ANKRD54: variants seen among roughly 807,000 people sequenced by gnomAD.
ANKRD54 encodes ankyrin repeat domain-containing protein 54.
In ANKRD54, 26 loss-of-function variants were observed where a neutral mutation model predicts 36.2. The ratio of observed to expected loss-of-function variants is 0.72; its 90% CI spans 0.53 to 1.00. ANKRD54 has a LOEUF of 1.00. ANKRD54 is among the 50% of genes least tolerant of loss of function. The pLI, the probability that ANKRD54 is intolerant of heterozygous loss-of-function variation, is 0.00. For synonymous variants in ANKRD54, 209 were observed against 188.4 expected (o/e 1.11, Z -0.89); for missense variants, 384 against 424.3 (o/e 0.91, Z 0.83).
At chr22:37,842,947 G>GA (rs1467518025) in intron 1 of ANKRD54, among the ~76,000 whole-genome samples, 34 of 152,210 alleles carry the variant, frequency 2.2e-4, no homozygotes, top group Admixed American at 2.2e-3. Flanking sequence ...ATGTGACCTG[G>GA]AATAAGACAA....
upstream of ANKRD54, chr22:37,847,553 T>G (rs1028872571): frequency 5.1e-6 from 2 of 390,522 alleles, no homozygotes; most frequent in Admixed American, 8.6e-5. Context: ...GTCTGAAGAT[T>G]AAATGGAAGA....
intron 1 of ANKRD54, among the ~76,000 whole-genome samples, chr22:37,841,557 C>A (rs2413487): frequency 0.6 from 89,115 of 148,308 alleles, 27,177 homozygotes; most frequent in East Asian, 0.85. Context: ...CACACACACA[C>A]AAAAAACATA....
At position 37,844,276 on chromosome 22, in the gene ANKRD54, G is replaced by T. The variant is rs200164410; in HGVS notation, c.-38C>A. 1.0e-5 allele frequency: 16 copies of T among 1,537,668 alleles called. No individual in the cohort carries two copies. In the East Asian group the frequency reaches 3.1e-4, roughly 30 times the overall value. On this transcript the variant is annotated 5_prime_UTR_variant, in exon 1 of 8. Transcript: ENST00000215941. ...GCGCGGGCCTGGCCGCCTGAGCCTC[G>T]TTCCCGACCGACCAACGGACCTACT...
chr22:37,833,251 C>T, intron 4 of ANKRD54, 45 bp from the exon 5 acceptor site: 1 of 1,606,226 alleles, frequency 6.2e-7, no homozygotes, highest in Admixed American at 1.7e-5. Flanking sequence ...ACCACCAGAG[C>T]CTGGCTCTGC....
At chr22:37,844,848 G>T (rs1402159571), upstream of ANKRD54, among the ~76,000 whole-genome samples, 1 of 152,026 alleles carries the variant, frequency 6.6e-6, no homozygotes, top group Non-Finnish European at 1.5e-5. Flanking sequence ...GATTACAGGC[G>T]TGAGCCACCG....
At chr22:37,840,285 G>T in intron 1 of ANKRD54, 51 bp from the exon 2 acceptor site, 1 of 1,601,800 alleles carries the variant, frequency 6.2e-7, no homozygotes, top group Non-Finnish European at 8.5e-7. Flanking sequence ...ATGGCTGGGT[G>T]CGGTGGCTCA....
chr22:37,844,123 A>G lies in ANKRD54; in HGVS notation c.116T>C (p.Phe39Ser). Residue 39 changes from phenylalanine to serine, a missense_variant, in exon 1 of 8, where the codon TTC (phenylalanine) becomes TCC (serine). By Grantham distance (155) the Phe-to-Ser change is radical (BLOSUM62 -2). Around this residue, in one of 3 missense-constraint regions of ANKRD54, gnomAD observed 195 missense variants for 177.7 expected, o/e 1.10. Coordinates refer to ENST00000215941, the MANE Select transcript of ANKRD54 (RefSeq NM_138797.4). ...PLTDAEGLFS[F>S]ADFGSALGGG... The stretch of plus-strand genomic sequence containing the variant: ...GCCCAGCGCAGACCCGAAGTCAGCG[A>G]AGGAGAAGAGGCCCTCAGCGTCAGT... The G allele has an allele frequency of 6.7e-7, 1 of 1,491,660 alleles. No individual in the cohort carries two copies. 92.4% of individuals were successfully genotyped at this position (1,491,660 alleles called of 1,614,324 possible).
At chr22:37,847,693 TG>T, upstream of ANKRD54, 1 of 486,114 alleles carries the variant, frequency 2.1e-6, no homozygotes, top group South Asian at 1.6e-5. Flanking sequence ...AGGACATTGT[TG>T]GGGACCCTCC....
At chr22:37,847,222 G>A (rs1011471002), upstream of ANKRD54, among the ~76,000 whole-genome samples, 11 of 149,836 alleles carry the variant, frequency 7.3e-5, no homozygotes, top group Admixed American at 3.3e-4. Flanking sequence ...GAGTGCAGTG[G>A]TGCAATCTTG....
intron 3 of ANKRD54, 50 bp from the exon 4 acceptor site, chr22:37,833,805 C>G (rs368646208): frequency 6.4e-7 from 1 of 1,568,286 alleles, no homozygotes; most frequent in Admixed American, 1.7e-5. Flanking sequence ...CCATTGCCTG[C>G]ACCCTGAACC....
intron 2 of ANKRD54, among the ~76,000 whole-genome samples, 186 bp downstream of exon 2, chr22:37,840,001 G>A (rs1293259544): frequency 6.6e-6 from 1 of 152,222 alleles, no homozygotes; most frequent in Non-Finnish European, 1.5e-5. Flanking sequence ...GGGGAGCATG[G>A]GGAGAGTGAG....
intron 1 of ANKRD54, among the ~76,000 whole-genome samples, chr22:37,843,044 T>G (rs1924473077): frequency 6.6e-6 from 1 of 152,254 alleles, no homozygotes; most frequent in Non-Finnish European, 1.5e-5. Flanking sequence ...TGATCATGTA[T>G]CAGCAGTGTT....
chr22:37,839,600 G>A (rs1923973648), intron 2 of ANKRD54, among the ~76,000 whole-genome samples: 1 of 152,020 alleles, frequency 6.6e-6, no homozygotes, highest in African/African-American at 2.4e-5. Flanking sequence ...TGTTAGCCAG[G>A]ATGGTCTCGA....
Position 37,843,904 on chromosome 22 carries a change from C to G in ANKRD54, c.328+7G>C, listed in dbSNP as rs947629510. 2.0e-5 allele frequency: 24 copies of G among 1,227,388 alleles called. No homozygotes were observed. The African/African-American group carries it at 3.1e-4, about 16-fold the overall frequency. The allele number at this position is 1,227,388 out of a possible 1,614,324, so 76.0% of individuals were successfully genotyped here. On this transcript the variant is annotated splice_region_variant and intron_variant, in intron 1 of 7. Coordinates refer to ENST00000215941, the MANE Select transcript of ANKRD54 (RefSeq NM_138797.4). Reference sequence around the variant, plus strand: ...CCCCGGGCCCCCGCGCCGCTCGCGCCGCTCACCGTGCACCTCCTTGCCCGT... The same window carrying G: ...CCCCGGGCCCCCGCGCCGCTCGCGCGGCTCACCGTGCACCTCCTTGCCCGT...
intron 3 of ANKRD54, among the ~76,000 whole-genome samples, chr22:37,835,065 A>G (rs975011475): frequency 1.3e-5 from 2 of 149,282 alleles, no homozygotes; most frequent in African/African-American, 4.9e-5. Context: ...TCTCCAAAAA[A>G]TAAAAAATAA....
chr22:37,845,597 A>G (rs1601744006), upstream of ANKRD54, among the ~76,000 whole-genome samples: 3 of 152,140 alleles, frequency 2.0e-5, no homozygotes, highest in East Asian at 3.8e-4. Flanking sequence ...ATCTTTCCGC[A>G]CGGTGGGTCA....
In ANKRD54 at chr22:37,843,953, T is replaced by G; in HGVS notation, c.286A>C (p.Arg96=). 7.2e-7 allele frequency: 1 copy of G among 1,394,476 alleles called. No individual in the cohort carries two copies. The highest frequency in any genetic ancestry group is 9.3e-7 in the Non-Finnish European group (1 of 1,077,158). 86.4% of individuals were successfully genotyped at this position (1,394,476 alleles called of 1,614,324 possible). A position where few individuals can be genotyped will look rare whatever the true frequency, so the allele number is the denominator to read the frequency against. ...IPAGRLRRAA[R]PHRRLGPTGK... is the part of the protein sequence containing the mutation. ...GTGGGCCCGAGCCGCCGGTGGGGCC[T>G]GGCAGCGCGCCTCAGCCGGCCAGCG... The change falls in exon 1 of 8, where the codon AGG becomes CGG. Residue 96 remains arginine (R), a synonymous_variant. Transcript: ENST00000215941.
In ANKRD54 at chr22:37,831,788, G is replaced by C. The variant is rs1165335152; in HGVS notation, c.*155C>G. 3 of 691,322 alleles carry C rather than the reference G, an allele frequency of 4.3e-6. No homozygotes were observed. Among genetic ancestry groups the C allele is most frequent in the Non-Finnish European group, 7.2e-6 (3 of 416,032 alleles). 42.8% of individuals were successfully genotyped at this position (691,322 alleles called of 1,614,324 possible). A position where few individuals can be genotyped will look rare whatever the true frequency, so the allele number is the denominator to read the frequency against. ...CTGGGAGTGGCTCTGAGGCCGTGGA[G>C]AGAGAGCATCTCTGCCCCACGGCAT... On this transcript the variant is annotated 3_prime_UTR_variant, in exon 8 of 8. Transcript: ENST00000215941.
Position 37,843,934 on chromosome 22 carries a change from C to G in ANKRD54, c.305G>C (p.Gly102Ala). Residue 102 changes from glycine to alanine, a missense_variant, in exon 1 of 8, where the codon GGG becomes GCG. Coordinates refer to ENST00000215941, the MANE Select transcript of ANKRD54 (RefSeq NM_138797.4). ...ACCGTGCACCTCCTTGCCCGTGGGC[C>G]CGAGCCGCCGGTGGGGCCTGGCAGC... ...RRAARPHRRLGPTGKEVHALK... is the reference protein window; with the variant it reads ...RRAARPHRRLAPTGKEVHALK... 1 of 1,362,400 alleles carries G rather than the reference C, an allele frequency of 7.3e-7. No individual in the cohort carries two copies. Among genetic ancestry groups the G allele is most frequent in the Non-Finnish European group, 9.4e-7 (1 of 1,060,582 alleles). The allele number at this position is 1,362,400 out of a possible 1,614,324, so 84.4% of individuals were successfully genotyped here.
Sources: allele counts gnomAD v4.1 joint callset (sites outside exome capture counted in the v4.1 genomes callset), GRCh38; gene constraint gnomAD v4.1.1; regional missense constraint gnomAD v4.1.1; transcripts MANE v1.5; gene names NCBI Gene and HGNC (gene_info 2026-07-23, HGNC 2026-07-21).